The following LARS1 variants were observed in gnomAD, a reference collection of about 807,000 sequenced individuals.
LARS1 encodes leucine--tRNA ligase, cytoplasmic.
A neutral mutation model predicts 162.8 loss-of-function variants in LARS1; 100 were observed. That is an observed-to-expected ratio of 0.61 (90% CI 0.52 to 0.73). The LOEUF (loss-of-function observed/expected upper bound fraction) is 0.73. Ranked by LOEUF, LARS1 falls within the 30% of genes least tolerant of loss-of-function variation. The probability of loss-of-function intolerance (pLI) is 0.00; values close to 1 mark genes in which losing one functional copy is unlikely to be tolerated. For missense variants in LARS1, 1,258 were observed against 1,408.9 expected (o/e 0.89, Z 1.71); for synonymous variants, 457 against 462.8 (o/e 0.99, Z 0.16).
At chr5:146,142,674 C>A in intron 20 of LARS1, 198 bp downstream of exon 20, 1 of 514,482 alleles carries the variant, frequency 1.9e-6, no homozygotes, top group Non-Finnish European at 3.4e-6. Flanking sequence ...GCTTTGGTGC[C>A]TGGGGTAGGT....
Position 146,140,378 on chromosome 5 carries a change from G to A in LARS1, c.2091-117C>T, listed in dbSNP as rs373158191. 95 of 737,424 alleles carry A rather than the reference G, an allele frequency of 1.3e-4. 1 individual carries two copies. Among genetic ancestry groups the A allele is most frequent in the East Asian group, 5.7e-4 (21 of 37,050 alleles). 45.7% of individuals were successfully genotyped at this position (737,424 alleles called of 1,614,324 possible). A position where few individuals can be genotyped will look rare whatever the true frequency, so the allele number is the denominator to read the frequency against. The stretch of plus-strand genomic sequence containing the variant: ...AAGGCTTGCTAAGATAAAAGTGCAA[G>A]GATATACACTATAGTCCTTTTTGTA... On this transcript the variant is annotated intron_variant, in intron 20 of 31. Transcript: ENST00000394434.
intron 30 of LARS1, among the ~76,000 whole-genome samples, chr5:146,121,284 T>TA (rs1554126179): frequency 6.6e-6 from 1 of 151,970 alleles, no homozygotes; most frequent in Admixed American, 6.6e-5. Context: ...GTGGCAAAAG[T>TA]AAAAAAACAT....
chr5:146,162,865 G>C (rs1581069972), intron 6 of LARS1, among the ~76,000 whole-genome samples: 2 of 152,196 alleles, frequency 1.3e-5, no homozygotes, highest in South Asian at 4.1e-4. Context: ...GCCCAGGCTG[G>C]GTTGCAATGG....
At chr5:146,131,597 T>C (rs1752286715) in intron 23 of LARS1, 1 of 149,142 alleles carries the variant, frequency 6.7e-6, no homozygotes, top group Non-Finnish European at 1.5e-5. Flanking sequence ...GCTCAAAGAA[T>C]CTTCTCACCT....
chr5:146,118,955 C>A (rs1313430489), intron 31 of LARS1, among the ~76,000 whole-genome samples: 2 of 152,176 alleles, frequency 1.3e-5, no homozygotes, highest in East Asian at 3.9e-4. Context: ...ATGCTCTGTA[C>A]ACAGAGAAAC....
In LARS1 at chr5:146,174,578, GTATATATCCATATATATATA is replaced by G. The variant is rs1478897965; in HGVS notation, c.126-1824_126-1805del. On this transcript the variant is annotated intron_variant, in intron 2 of 31. Coordinates refer to ENST00000394434, the MANE Select transcript of LARS1 (RefSeq NM_020117.11). ...TCCATATATATATATATCCATATATGTATATATCCATATATATATATATATATATCCATTAGAATATAGCT... is the reference window on the plus strand; with the variant it reads ...TCCATATATATATATATCCATATATGTATATATATCCATTAGAATATAGCT... Among the ~76,000 whole-genome samples the G allele has an allele frequency of 2.2e-4, 8 of 36,590 alleles. 2 individuals are homozygous for G. Among genetic ancestry groups the G allele is most frequent in the Non-Finnish European group, 3.9e-4 (6 of 15,530 alleles). The allele number at this position is 36,590 out of a possible 152,430, so 24.0% of individuals were successfully genotyped here.
chr5:146,144,782 C>A, intron 15 of LARS1, 73 bp from the exon 16 acceptor site: 4 of 1,377,220 alleles, frequency 2.9e-6, no homozygotes, highest in Non-Finnish European at 3.1e-6. Context: ...ATAAAAATTA[C>A]TTTAAAAAAA....
Position 146,182,629 on chromosome 5 carries a change from G to T in LARS1, c.-136C>A. The T allele has an allele frequency of 2.5e-6, 3 of 1,200,834 alleles. No individual in the cohort carries two copies. Among genetic ancestry groups the T allele is most frequent in the African/African-American group, 1.5e-5 (1 of 66,568 alleles). 74.4% of individuals were successfully genotyped at this position (1,200,834 alleles called of 1,614,324 possible). On this transcript the variant is annotated 5_prime_UTR_variant, in exon 1 of 32. Coordinates refer to ENST00000394434, the MANE Select transcript of LARS1 (RefSeq NM_020117.11). ...AAAGCACACGCTTCACACCTGCTGA[G>T]GCAATCATCCGGCTCCTTACTAACT...
intron 7 of LARS1, 111 bp from the exon 8 acceptor site, chr5:146,159,581 G>T: frequency 1.4e-6 from 1 of 739,870 alleles, no homozygotes; most frequent in Non-Finnish European, 2.3e-6. Flanking sequence ...TAGAATTTCT[G>T]AGTAGATATC....
chr5:146,147,354 G>A (rs1032885589), intron 15 of LARS1, among the ~76,000 whole-genome samples: 6 of 151,032 alleles, frequency 4.0e-5, no homozygotes, highest in Admixed American at 6.6e-5. Context: ...GATCACTTGA[G>A]CCCAAAGCCA....
intron 31 of LARS1, among the ~76,000 whole-genome samples, chr5:146,116,176 C>T (rs775669537): frequency 3.9e-5 from 6 of 152,106 alleles, no homozygotes; most frequent in Non-Finnish European, 7.4e-5. Flanking sequence ...AGAGAGCAGG[C>T]GCAATCTTCA....
At chr5:146,126,330 G>T in intron 28 of LARS1, 105 bp downstream of exon 28, 1 of 623,554 alleles carries the variant, frequency 1.6e-6, no homozygotes, top group Non-Finnish European at 2.8e-6. Flanking sequence ...TGCTATTTTA[G>T]CAGATTTCTG....
chr5:146,128,792 AAAAG>A lies in LARS1; in HGVS notation c.2770-14_2770-11del. The A allele has an allele frequency of 6.3e-7, 1 of 1,590,498 alleles. No homozygotes were observed. Among genetic ancestry groups the A allele is most frequent in the Non-Finnish European group, 8.5e-7 (1 of 1,169,710 alleles). ...GTTGTTTGTCAGTCTTCTAGACGGT[AAAAG>A]AAAGGAAAAACATTCAATAGCTTTT... On this transcript the variant is annotated splice_polypyrimidine_tract_variant and intron_variant, in intron 26 of 31. Transcript: ENST00000394434.
chr5:146,146,468 A>G (rs1581044524), intron 15 of LARS1, among the ~76,000 whole-genome samples: 1 of 149,282 alleles, frequency 6.7e-6, no homozygotes, highest in Non-Finnish European at 1.5e-5. Flanking sequence ...ATAAGATAAT[A>G]TAAGATAAAA....
At chr5:146,179,714 C>T (rs1301088473) in intron 1 of LARS1, 2 of 432,032 alleles carry the variant, frequency 4.6e-6, no homozygotes, top group South Asian at 1.6e-5. Flanking sequence ...ATCTTCCCAT[C>T]TCAGCCTCCT....
intron 13 of LARS1, 58 bp from the exon 14 acceptor site, chr5:146,152,060 G>A (rs1753318100): frequency 1.9e-6 from 3 of 1,591,906 alleles, no homozygotes; most frequent in Admixed American, 1.7e-5. Flanking sequence ...AGCTCTGTAG[G>A]GCACAAGTCC....
chr5:146,176,689 G>A (rs1754595090), intron 2 of LARS1, among the ~76,000 whole-genome samples: 1 of 151,910 alleles, frequency 6.6e-6, no homozygotes, highest in African/African-American at 2.4e-5. Context: ...AATGTTTGGG[G>A]GAGTTATTTT....
Position 146,114,300 on chromosome 5 carries a change from C to A in LARS1, c.3337G>T (p.Val1113Leu), listed in dbSNP as rs1181682647. 1.2e-6 allele frequency: 2 copies of A among 1,613,682 alleles called. No homozygotes were observed. Among genetic ancestry groups the A allele is most frequent in the Non-Finnish European group, 1.7e-6 (2 of 1,179,798 alleles). The change falls in exon 32 of 32, where the codon GTG (valine) becomes TTG (leucine). Residue 1113 changes from valine (V) to leucine (L), a missense_variant. Coordinates refer to ENST00000394434, the MANE Select transcript of LARS1 (RefSeq NM_020117.11). ...MNRGIKDLSK[V>L]KLMRFDDPLL... is the part of the protein sequence containing the mutation. ...GGATCATCAAATCTCATCAGTTTCACTTTGGAAAGGTCTACAACAAAATAA... is the reference window on the plus strand; with the variant it reads ...GGATCATCAAATCTCATCAGTTTCAATTTGGAAAGGTCTACAACAAAATAA...
intron 28 of LARS1, 111 bp from the exon 29 acceptor site, chr5:146,124,197 A>G: frequency 1.4e-6 from 1 of 713,328 alleles, no homozygotes; most frequent in Non-Finnish European, 2.4e-6. Flanking sequence ...TTCAGATTTC[A>G]GGAGTTAAAG....
Sources: gnomAD v4.1 joint callset for allele counts (sites outside exome capture counted in the v4.1 genomes callset) on GRCh38, gnomAD v4.1.1 for gene constraint, MANE v1.5 for transcripts, NCBI Gene and HGNC (gene_info 2026-07-23, HGNC 2026-07-21) for gene names.